The following PHACTR1 variants were observed in gnomAD, a reference collection of about 807,000 sequenced individuals.
The protein encoded by PHACTR1 is RPEL repeat containing 1.
PHACTR1 carries 16 observed loss-of-function variants against 69.2 expected under a neutral mutation model. The ratio of observed to expected loss-of-function variants is 0.23; its 90% CI spans 0.16 to 0.35. The LOEUF (loss-of-function observed/expected upper bound fraction) is 0.35, where lower values mean the gene tolerates loss of function less well. PHACTR1 is among the 10% of genes least tolerant of loss of function. PHACTR1 has a pLI of 1.00. For synonymous variants in PHACTR1, 312 were observed against 284.5 expected (o/e 1.10, Z -0.97); for missense variants, 510 against 734.7 (o/e 0.69, Z 3.54).
intron 10 of PHACTR1, among the ~76,000 whole-genome samples, chr6:13,270,253 T>C (rs78398722): frequency 0.019 from 2,938 of 152,330 alleles, 82 homozygotes; most frequent in African/African-American, 0.063. Context: ...GGGCAAGGTA[T>C]TGGGGGAGAG....
chr6:12,782,258 A>T (rs1468944822), intron 4 of PHACTR1, among the ~76,000 whole-genome samples: 1 of 152,174 alleles, frequency 6.6e-6, no homozygotes, highest in Non-Finnish European at 1.5e-5. Flanking sequence ...ATTAGATCTG[A>T]GGGTTTAAAA....
At chr6:13,080,498 A>G (rs891166864) in intron 5 of PHACTR1, among the ~76,000 whole-genome samples, 4 of 152,204 alleles carry the variant, frequency 2.6e-5, no homozygotes, top group African/African-American at 9.6e-5. Context: ...TTGCTTCGGC[A>G]AAGTCTTCTA....
chr6:13,047,810 G>A (rs1805313426), intron 4 of PHACTR1, among the ~76,000 whole-genome samples: 2 of 151,946 alleles, frequency 1.3e-5, no homozygotes, highest in African/African-American at 4.8e-5. Flanking sequence ...AAGCCAAGGT[G>A]ATGCCATCTT....
rs1007450295 is a variant in PHACTR1 at position 12,865,272 on chromosome 6, T to G, written c.250+115482T>G. 3.9e-5 allele frequency among the ~76,000 whole-genome samples: 6 copies of G among 152,194 alleles called. No individual in the cohort carries two copies. In the East Asian group the frequency reaches 1.2e-3, roughly 29 times the overall value. ...AGACCACTGATAATGTTATTTATAC[T>G]GACATCTTGACAGCACTGCTTCAGA... is the stretch of plus-strand genomic sequence containing the variant. On this transcript the variant is annotated intron_variant, in intron 4 of 14. Transcript: ENST00000332995.
chr6:12,728,236 T>G (rs560854487), intron 3 of PHACTR1, among the ~76,000 whole-genome samples: 1 of 152,212 alleles, frequency 6.6e-6, no homozygotes, highest in East Asian at 1.9e-4. Context: ...GGCGGATTGC[T>G]TGAACCCTGG....
At chr6:12,749,905 C>T in intron 4 of PHACTR1, 115 bp downstream of exon 4, 2 of 1,007,746 alleles carry the variant, frequency 2.0e-6, no homozygotes, top group Non-Finnish European at 2.8e-6. Flanking sequence ...GTCGGGCGCT[C>T]AGCACTCGCG....
intron 4 of PHACTR1, among the ~76,000 whole-genome samples, chr6:12,826,866 C>T (rs1043379921): frequency 3.3e-5 from 5 of 152,192 alleles, no homozygotes; most frequent in South Asian, 2.1e-4. Flanking sequence ...ACTTTCTCCA[C>T]GACACCCTGA....
At chr6:13,074,199 G>A (rs1183311344) in intron 5 of PHACTR1, among the ~76,000 whole-genome samples, 2 of 152,042 alleles carry the variant, frequency 1.3e-5, no homozygotes, top group African/African-American at 4.8e-5. Context: ...CAAATTGTCT[G>A]GGCAAAGGAT....
intron 4 of PHACTR1, among the ~76,000 whole-genome samples, chr6:12,921,519 GGGGA>G (rs150299699): frequency 0.01 from 1,377 of 135,630 alleles, 38 homozygotes; most frequent in African/African-American, 0.039. Flanking sequence ...AAGGAAGGAA[GGGGA>G]GGGAGGGAGG....
At chr6:13,163,221 G>C (rs965661307) in intron 6 of PHACTR1, among the ~76,000 whole-genome samples, 11 of 152,162 alleles carry the variant, frequency 7.2e-5, no homozygotes, top group African/African-American at 2.7e-4. Context: ...TCTGGCCTGG[G>C]CAACAGAGCA....
intron 8 of PHACTR1, among the ~76,000 whole-genome samples, chr6:13,219,369 A>C (rs1007665694): frequency 1.3e-5 from 2 of 152,172 alleles, no homozygotes; most frequent in African/African-American, 4.8e-5. Context: ...AAGCCTGTGA[A>C]TGTGTAATGT....
At chr6:13,075,514 G>A (rs1328488116) in intron 5 of PHACTR1, among the ~76,000 whole-genome samples, 1 of 152,148 alleles carries the variant, frequency 6.6e-6, no homozygotes, top group African/African-American at 2.4e-5. Flanking sequence ...GTTGTATTTA[G>A]TAAGGGGTTA....
At chr6:13,197,865 G>A (rs1583873985) in intron 7 of PHACTR1, among the ~76,000 whole-genome samples, 1 of 152,184 alleles carries the variant, frequency 6.6e-6, no homozygotes, top group Admixed American at 6.5e-5. Flanking sequence ...CCTATGGAGG[G>A]AGTAGCCTCT....
intron 4 of PHACTR1, among the ~76,000 whole-genome samples, chr6:12,808,970 C>G (rs539912207): frequency 3.3e-5 from 5 of 151,970 alleles, no homozygotes; most frequent in African/African-American, 9.7e-5. Context: ...CTTCACTTCC[C>G]GGGCTCAAGT....
chr6:13,020,485 G>A (rs1036308828), intron 4 of PHACTR1, among the ~76,000 whole-genome samples: 12 of 152,224 alleles, frequency 7.9e-5, no homozygotes, highest in East Asian at 1.9e-4. Context: ...TCATGGACAC[G>A]TAGGTGGGGA....
At chr6:13,168,356 G>A (rs1760119772) in intron 6 of PHACTR1, among the ~76,000 whole-genome samples, 1 of 152,198 alleles carries the variant, frequency 6.6e-6, no homozygotes, top group African/African-American at 2.4e-5. Context: ...ATTCTCTTAA[G>A]CAACACTGTT....
At chr6:12,941,000 C>A (rs1194958010) in intron 4 of PHACTR1, among the ~76,000 whole-genome samples, 1 of 152,162 alleles carries the variant, frequency 6.6e-6, no homozygotes, top group Non-Finnish European at 1.5e-5. Flanking sequence ...GGGGGCTTGG[C>A]CTTAAAGAGG....
chr6:12,879,843 G>T (rs1472435287), intron 4 of PHACTR1, among the ~76,000 whole-genome samples: 1 of 152,066 alleles, frequency 6.6e-6, no homozygotes, highest in Non-Finnish European at 1.5e-5. Flanking sequence ...CAAACAACAA[G>T]GGATGAATCA....
At chr6:12,772,101 G>A (rs925046905) in intron 4 of PHACTR1, among the ~76,000 whole-genome samples, 2 of 152,204 alleles carry the variant, frequency 1.3e-5, no homozygotes, top group Non-Finnish European at 1.5e-5. Flanking sequence ...GGCTGTGAGT[G>A]AAAGGTGAGA....
Sources: allele counts gnomAD v4.1 joint callset (sites outside exome capture counted in the v4.1 genomes callset), GRCh38; gene constraint gnomAD v4.1.1; transcripts MANE v1.5; gene names NCBI Gene and HGNC (gene_info 2026-07-23, HGNC 2026-07-21).